The following UBE2E2 variants were observed in gnomAD, a reference collection of about 807,000 sequenced individuals.
UBE2E2 encodes ubiquitin conjugating enzyme E2 E2, also known as ubiquitin-conjugating enzyme E2 E2.
A neutral mutation model predicts 24.7 loss-of-function variants in UBE2E2; 6 were observed. That is an observed-to-expected ratio of 0.24 (90% CI 0.13 to 0.48). The LOEUF is 0.48. Among genes scored for constraint, UBE2E2 ranks in the 20% least tolerant of loss-of-function variants. The pLI is 0.99. For synonymous variants in UBE2E2, 104 were observed against 83.6 expected (o/e 1.24, Z -1.33); for missense variants, 169 against 245.0 (o/e 0.69, Z 2.07).
intron 3 of UBE2E2, among the ~76,000 whole-genome samples, chr3:23,350,281 G>C (rs1695702284): frequency 6.6e-6 from 1 of 152,174 alleles, no homozygotes; most frequent in African/African-American, 2.4e-5. Flanking sequence ...CCACAAAGAT[G>C]GGGAGAAAAC....
intron 4 of UBE2E2, among the ~76,000 whole-genome samples, chr3:23,516,887 A>G (rs1357860148): frequency 6.6e-6 from 1 of 152,168 alleles, no homozygotes; most frequent in Admixed American, 6.5e-5. Flanking sequence ...TTAACACCTT[A>G]GAACATATCA....
At position 23,280,083 on chromosome 3, in the gene UBE2E2, T is replaced by C. The variant is rs910326599; in HGVS notation, c.227+62771T>C. Among the ~76,000 whole-genome samples the C allele has an allele frequency of 1.3e-5, 2 of 152,234 alleles. No homozygotes were observed. Among genetic ancestry groups the C allele is most frequent in the Non-Finnish European group, 1.5e-5 (1 of 68,038 alleles). On this transcript the variant is annotated intron_variant, in intron 3 of 5. Transcript: ENST00000396703. The surrounding 1 kb of genome is among the most constrained non-coding windows in gnomAD (Gnocchi z 4.3). ...TGGGAGAGAAAACACATTTGACTTA[T>C]TACCACGGTAAGGTTCAAATTACTG... is the stretch of plus-strand genomic sequence containing the variant.
chr3:23,373,013 A>G (rs1696433785), intron 3 of UBE2E2, among the ~76,000 whole-genome samples: 1 of 152,050 alleles, frequency 6.6e-6, no homozygotes. Flanking sequence ...TGGACCTTTT[A>G]TCTTATAAAT....
chr3:23,445,182 T>C (rs1410010477), intron 3 of UBE2E2, among the ~76,000 whole-genome samples: 1 of 152,204 alleles, frequency 6.6e-6, no homozygotes. Context: ...CTATGTCAAC[T>C]CTGTGGTGGC....
intron 4 of UBE2E2, among the ~76,000 whole-genome samples, chr3:23,526,680 TTTTG>T (rs1431986227): frequency 6.6e-6 from 1 of 152,196 alleles, no homozygotes; most frequent in East Asian, 1.9e-4. Context: ...GGGATCAAGA[TTTTG>T]TTTCCTGCTT....
At position 23,309,116 on chromosome 3, in the gene UBE2E2, C is replaced by A. The variant is rs569447279; in HGVS notation, c.227+91804C>A. Among the ~76,000 whole-genome samples the A allele has an allele frequency of 3.9e-5, 6 of 152,302 alleles. No homozygotes were observed. In the South Asian group the frequency reaches 6.2e-4, roughly 16 times the overall value. On this transcript the variant is annotated intron_variant, in intron 3 of 5. Coordinates refer to ENST00000396703, the MANE Select transcript of UBE2E2 (RefSeq NM_152653.4). Reference sequence around the variant, plus strand: ...TAGTTCCTGGCCACTTTGTTCTAGACCCTGCCCACTTTGAGGGCAGGTCTT... The same window carrying A: ...TAGTTCCTGGCCACTTTGTTCTAGAACCTGCCCACTTTGAGGGCAGGTCTT...
chr3:23,299,242 T>A (rs763925344), intron 3 of UBE2E2, among the ~76,000 whole-genome samples: 9 of 152,168 alleles, frequency 5.9e-5, no homozygotes, highest in Non-Finnish European at 1.2e-4. Context: ...CAGCTCCTGG[T>A]TTCATTAATC....
chr3:23,313,257 G>C (rs1408153523), intron 3 of UBE2E2, among the ~76,000 whole-genome samples: 1 of 151,920 alleles, frequency 6.6e-6, no homozygotes, highest in Non-Finnish European at 1.5e-5. Context: ...TGTTTTGTCT[G>C]ATTATAGCTA....
intron 3 of UBE2E2, among the ~76,000 whole-genome samples, chr3:23,446,663 G>GT (rs1698435279): frequency 2.1e-5 from 3 of 140,460 alleles, no homozygotes; most frequent in Admixed American, 1.4e-4. Context: ...GATTCTACCA[G>GT]TTTAAGGTTA....
chr3:23,448,975 A>G (rs73821808), intron 3 of UBE2E2, among the ~76,000 whole-genome samples: 26,156 of 152,028 alleles, frequency 0.17, 2,998 homozygotes, highest in African/African-American at 0.33. Flanking sequence ...CTGGTTTTTC[A>G]ATGGCTTTTA....
intron 3 of UBE2E2, among the ~76,000 whole-genome samples, chr3:23,309,420 A>G (rs1699318299): frequency 2.6e-5 from 4 of 152,222 alleles, no homozygotes; most frequent in Non-Finnish European, 5.9e-5. Flanking sequence ...ATTGGCAACT[A>G]CATCATCAGC....
In UBE2E2 at chr3:23,567,348, A is replaced by T. The variant is rs78697539; in HGVS notation, c.509-22386A>T. ...ACAGAATTTCGTCAGGTGGTAGAAC[A>T]TGTTGCCTAAGGGGTTTAAACAACA... On this transcript the variant is annotated intron_variant, in intron 5 of 5. Coordinates refer to ENST00000396703, the MANE Select transcript of UBE2E2 (RefSeq NM_152653.4). Among the ~76,000 whole-genome samples the T allele has an allele frequency of 3.9e-5, 6 of 152,222 alleles. No homozygotes were observed. In the East Asian group the frequency reaches 1.2e-3, roughly 29 times the overall value.
At chr3:23,512,246 C>A (rs1353448157) in intron 4 of UBE2E2, among the ~76,000 whole-genome samples, 1 of 146,294 alleles carries the variant, frequency 6.8e-6, no homozygotes. Flanking sequence ...TTGAGACAGT[C>A]TTACCCTGTC....
At chr3:23,357,551 T>C (rs899978089) in intron 3 of UBE2E2, among the ~76,000 whole-genome samples, 1 of 152,200 alleles carries the variant, frequency 6.6e-6, no homozygotes, top group Non-Finnish European at 1.5e-5. Flanking sequence ...TAAAATGGTA[T>C]GTGGAATTAT....
chr3:23,263,739 T>G (rs1697964921), intron 3 of UBE2E2, among the ~76,000 whole-genome samples: 1 of 152,162 alleles, frequency 6.6e-6, no homozygotes, highest in Admixed American at 6.5e-5. Flanking sequence ...GGCAAAGGCT[T>G]AAAAGGATCA....
At chr3:23,529,468 G>A (rs1010765401) in intron 4 of UBE2E2, among the ~76,000 whole-genome samples, 6 of 152,060 alleles carry the variant, frequency 3.9e-5, no homozygotes, top group Non-Finnish European at 5.9e-5. Context: ...AATTTTTAAC[G>A]AAAGAACAGA....
At chr3:23,443,678 A>C (rs183177781) in intron 3 of UBE2E2, among the ~76,000 whole-genome samples, 37 of 152,312 alleles carry the variant, frequency 2.4e-4, no homozygotes, top group Admixed American at 1.8e-3. Flanking sequence ...AGATGTACCT[A>C]TGTGAAATTG....
chr3:23,289,339 A>G (rs529037048), intron 3 of UBE2E2, among the ~76,000 whole-genome samples: 5 of 152,214 alleles, frequency 3.3e-5, no homozygotes, highest in African/African-American at 1.2e-4. Flanking sequence ...GAAATCTTTT[A>G]TACTTTAAAG....
rs1488344329 is a variant in UBE2E2 at position 23,474,302 on chromosome 3, T to C, written c.228-25306T>C. ...CTGGATATTAGTCCTTTGTCAGATGTATAGATTTTGAAGATTTTTCCCACT... is the reference window on the plus strand; with the variant it reads ...CTGGATATTAGTCCTTTGTCAGATGCATAGATTTTGAAGATTTTTCCCACT... On this transcript the variant is annotated intron_variant, in intron 3 of 5. Transcript: ENST00000396703. This position sits in a 1 kb window ranked among gnomAD's most constrained non-coding sequence, Gnocchi z 4.0. Among the ~76,000 whole-genome samples, 1 of 152,070 alleles carries C rather than the reference T, an allele frequency of 6.6e-6. No homozygotes were observed. Among genetic ancestry groups the C allele is most frequent in the Admixed American group, 6.5e-5 (1 of 15,268 alleles).
Sources: gnomAD v4.1 joint callset for allele counts (sites outside exome capture counted in the v4.1 genomes callset) on GRCh38, gnomAD v4.1.1 for gene constraint, Gnocchi (gnomAD v3.1) non-coding constraint, MANE v1.5 for transcripts, NCBI Gene and HGNC (gene_info 2026-07-23, HGNC 2026-07-21) for gene names.